The following EME2 variants were observed in gnomAD, a reference collection of about 807,000 sequenced individuals.
EME2 encodes the protein structure-specific endonuclease subunit EME2.
A neutral mutation model predicts 41.9 loss-of-function variants in EME2; 58 were observed. That is an observed-to-expected ratio of 1.38 (90% CI 1.12 to 1.72). The LOEUF (loss-of-function observed/expected upper bound fraction) is 1.72. EME2 is among the 40% of genes most tolerant of loss of function. The pLI, the probability that EME2 is intolerant of heterozygous loss-of-function variation, is 0.00. For synonymous variants in EME2, 334 were observed against 239.3 expected (o/e 1.40, Z -3.65); for missense variants, 695 against 541.9 (o/e 1.28, Z -2.81).
Position 1,775,575 on chromosome 16 carries a change from G to T in EME2, c.670G>T (p.Val224Leu). ...VSWPEVEEAL[V>L]LLQLWANLDV... ...CAGCTTGCCTCCTCCCCAGGCCCTG[G>T]TACTCCTGCAGCTCTGGGCAAACCT... The change falls in exon 6 of 8, where the codon GTA (valine) becomes TTA (leucine). Residue 224 changes from valine to leucine, a missense_variant. Physicochemically the swap from Val to Leu is conservative, Grantham distance 32. Coordinates refer to ENST00000568449, the MANE Select transcript of EME2 (RefSeq NM_001257370.2). 1.2e-6 allele frequency: 2 copies of T among 1,612,820 alleles called. No individual in the cohort carries two copies. The highest frequency in any genetic ancestry group is 1.7e-6 in the Non-Finnish European group (2 of 1,179,932).
Position 1,773,279 on chromosome 16 carries a change from C to T in EME2, c.52C>T (p.Arg18Trp). The T allele has an allele frequency of 3.4e-6, 5 of 1,470,176 alleles. No individual in the cohort carries two copies. The highest frequency in any genetic ancestry group is 3.6e-6 in the Non-Finnish European group (4 of 1,119,058). 91.1% of individuals were successfully genotyped at this position (1,470,176 alleles called of 1,614,324 possible). A position where few individuals can be genotyped will look rare whatever the true frequency, so the allele number is the denominator to read the frequency against. The change falls in exon 1 of 8, where the codon CGG becomes TGG. Residue 18 changes from arginine (R) to tryptophan (W), a missense_variant. Physicochemically the swap from Arg to Trp is moderately radical, Grantham distance 101 (BLOSUM62 -3). Transcript: ENST00000568449. ...GGGGGTCTCTTGCCAGGGCCGGGGC[C>T]GGGGACGGGGCGGGAGCGGTCAGCG... The part of the protein sequence containing the change: ...RAGVSCQGRG[R>W]GRGGSGQRRP...
chr16:1,777,057 G>A lies in EME2; in HGVS notation c.*819G>A, dbSNP rs563481366. ...GAGAAAGAAGGGACAGAGGAAAGGG[G>A]CTGTCCCAGCCCAAGAAGGCAGTTC... On this transcript the variant is annotated 3_prime_UTR_variant, in exon 8 of 8. Transcript: ENST00000568449. 8.2e-6 allele frequency: 13 copies of A among 1,588,158 alleles called. No homozygotes were observed. Among genetic ancestry groups the A allele is most frequent in the Middle Eastern group, 1.7e-4 (1 of 5,950 alleles).
At chr16:1,774,455 G>T (rs1178302802) in intron 3 of EME2, 103 bp downstream of exon 3, 3 of 924,512 alleles carry the variant, frequency 3.2e-6, no homozygotes, top group Non-Finnish European at 5.2e-6. Flanking sequence ...CGGGGCTGGA[G>T]GGGGCATGGG....
In EME2 at chr16:1,781,202, T is replaced by C. The variant is rs763420984; in HGVS notation, c.*4964T>C. 191 of 1,558,784 alleles carry C rather than the reference T, an allele frequency of 1.2e-4. No individual in the cohort carries two copies. Among genetic ancestry groups the C allele is most frequent in the Non-Finnish European group, 6.2e-5 (72 of 1,159,018 alleles). On this transcript the variant is annotated 3_prime_UTR_variant, in exon 8 of 8. Transcript: ENST00000568449. Reference sequence around the variant, plus strand: ...AATTAAAGAGTCTTACTGAATGCGGTGCATCCAGGAGACAGGCCCAGGTTT... The same window carrying C: ...AATTAAAGAGTCTTACTGAATGCGGCGCATCCAGGAGACAGGCCCAGGTTT...
chr16:1,778,780 A>G lies in EME2; in HGVS notation c.*2542A>G, dbSNP rs561488217. ...AGCGCACAGCCCAGGCTCCCTCCCAACGGGCTCCGGCTCTGCCCCATTCTG... is the reference window on the plus strand; with the variant it reads ...AGCGCACAGCCCAGGCTCCCTCCCAGCGGGCTCCGGCTCTGCCCCATTCTG... On this transcript the variant is annotated 3_prime_UTR_variant, in exon 8 of 8. Transcript: ENST00000568449. 81 of 663,430 alleles carry G rather than the reference A, an allele frequency of 1.2e-4. 1 individual carries two copies. In the South Asian group the frequency reaches 1.8e-3, roughly 15 times the overall value. The allele number at this position is 663,430 out of a possible 1,614,324, so 41.1% of individuals were successfully genotyped here. A position where few individuals can be genotyped will look rare whatever the true frequency, so the allele number is the denominator to read the frequency against.
In EME2 at chr16:1,778,715, G is replaced by A; in HGVS notation, c.*2477G>A. The stretch of plus-strand genomic sequence containing the variant: ...CCCTGTCCCTGACCCACCCAGGAAA[G>A]GATGGGGGTCCAGGCCTCCAGGGAC... On this transcript the variant is annotated 3_prime_UTR_variant, in exon 8 of 8. Transcript: ENST00000568449. 1 of 1,340,942 alleles carries A rather than the reference G, an allele frequency of 7.5e-7. No homozygotes were observed. The highest frequency in any genetic ancestry group is 9.9e-7 in the Non-Finnish European group (1 of 1,005,200). 83.1% of individuals were successfully genotyped at this position (1,340,942 alleles called of 1,614,324 possible).
chr16:1,773,468 G>A lies in EME2; in HGVS notation c.241G>A (p.Asp81Asn). ...QVLKRLAVCV[D>N]TAILEDAGAD... ...CCTGAAGCGCCTCGCGGTGTGCGTGGACACAGGTGCGGCGGAGGGCACGGG... is the reference window on the plus strand; with the variant it reads ...CCTGAAGCGCCTCGCGGTGTGCGTGAACACAGGTGCGGCGGAGGGCACGGG... The change falls in exon 1 of 8, where the codon GAC (aspartate) becomes AAC (asparagine). Residue 81 changes from aspartate (D) to asparagine (N), a missense_variant. Transcript: ENST00000568449. 6.3e-7 allele frequency: 1 copy of A among 1,579,566 alleles called. No individual in the cohort carries two copies.
rs1454986127 is a variant in EME2 at position 1,773,782 on chromosome 16, C to T, written c.325C>T (p.Gln109Ter). The T allele has an allele frequency of 6.4e-7, 1 of 1,552,692 alleles. No individual in the cohort carries two copies. Among genetic ancestry groups the T allele is most frequent in the Admixed American group, 1.9e-5 (1 of 51,934 alleles). ...ALGCECRIEP[Q>*]RPARSLRWTR... ...GGGCTGCGAGTGCCGCATCGAGCCC[C>T]AGCGCCCGGCCCGCAGCCTGCGGTG... is the stretch of plus-strand genomic sequence containing the variant. Residue 109 changes from glutamine (Q) to a stop codon, truncating the protein, a stop_gained, in exon 2 of 8, where the codon CAG becomes TAG. Transcript: ENST00000568449. LOFTEE classifies it high-confidence loss of function.
At position 1,777,353 on chromosome 16, in the gene EME2, C is replaced by T. The variant is rs1215290397; in HGVS notation, c.*1115C>T. On this transcript the variant is annotated 3_prime_UTR_variant, in exon 8 of 8. Transcript: ENST00000568449. ...GTACTGGAGGGAAGTGGCGCTGGCA[C>T]AGGAGCGGGTGACCTTCATGCTGCT... 1 of 1,606,834 alleles carries T rather than the reference C, an allele frequency of 6.2e-7. No homozygotes were observed. Among genetic ancestry groups the T allele is most frequent in the East Asian group, 2.2e-5 (1 of 44,806 alleles).
intron 3 of EME2, among the ~76,000 whole-genome samples, chr16:1,774,627 A>G (rs1276214254): frequency 6.6e-6 from 1 of 152,248 alleles, no homozygotes; most frequent in African/African-American, 2.4e-5. Flanking sequence ...GTCCTCTGAC[A>G]GCAGACAGCC....
chr16:1,772,953 G>A lies in EME2; in HGVS notation c.-275G>A, dbSNP rs1318584336. ...GAGGCGGCTCTCGCGGCGCACGTCGGCCCAGGCCCGGACCGGCAGCCGGCG... is the reference window on the plus strand; with the variant it reads ...GAGGCGGCTCTCGCGGCGCACGTCGACCCAGGCCCGGACCGGCAGCCGGCG... On this transcript the variant is annotated 5_prime_UTR_variant, in exon 1 of 8. Coordinates refer to ENST00000568449, the MANE Select transcript of EME2 (RefSeq NM_001257370.2). 1 of 1,453,092 alleles carries A rather than the reference G, an allele frequency of 6.9e-7. No individual in the cohort carries two copies. Among genetic ancestry groups the A allele is most frequent in the African/African-American group, 1.5e-5 (1 of 67,130 alleles). The allele number at this position is 1,453,092 out of a possible 1,614,324, so 90.0% of individuals were successfully genotyped here.
chr16:1,778,636 A>T lies in EME2; in HGVS notation c.*2398A>T. 2 of 1,528,106 alleles carry T rather than the reference A, an allele frequency of 1.3e-6. No individual in the cohort carries two copies. Among genetic ancestry groups the T allele is most frequent in the Non-Finnish European group, 8.8e-7 (1 of 1,138,276 alleles). 94.7% of individuals were successfully genotyped at this position (1,528,106 alleles called of 1,614,324 possible). On this transcript the variant is annotated 3_prime_UTR_variant, in exon 8 of 8. Coordinates refer to ENST00000568449, the MANE Select transcript of EME2 (RefSeq NM_001257370.2). ...TGCTGGGAGAGAAGGGCCGGCTGTT[A>T]CTACCTGTTGCCCGCTCTCTACCCT... is the stretch of plus-strand genomic sequence containing the variant.
At position 1,772,901 on chromosome 16, in the gene EME2, G is replaced by A. The variant is rs1269671362; in HGVS notation, c.-327G>A. On this transcript the variant is annotated 5_prime_UTR_variant, in exon 1 of 8. Transcript: ENST00000568449. ...GCGTGACCAGGCGGCCCAGGCCGAA[G>A]AGCGGGAGGCGGCCGAGCAGCTGCA... 4 of 1,451,476 alleles carry A rather than the reference G, an allele frequency of 2.8e-6. No homozygotes were observed. The highest frequency in any genetic ancestry group is 2.7e-5 in the East Asian group (1 of 37,710). The allele number at this position is 1,451,476 out of a possible 1,614,324, so 89.9% of individuals were successfully genotyped here. A position where few individuals can be genotyped will look rare whatever the true frequency, so the allele number is the denominator to read the frequency against.
At chr16:1,775,175 G>T in intron 4 of EME2, 43 bp downstream of exon 4, 1 of 1,601,334 alleles carries the variant, frequency 6.2e-7, no homozygotes. Context: ...GGCTGGGACG[G>T]GGGTTCAGGG....
chr16:1,773,712 G>A lies in EME2; in HGVS notation c.255G>A (p.Leu85=). The A allele has an allele frequency of 1.3e-6, 2 of 1,548,794 alleles. No individual in the cohort carries two copies. The highest frequency in any genetic ancestry group is 1.7e-6 in the Non-Finnish European group (2 of 1,147,120). Residue 85 remains leucine, a synonymous_variant, in exon 2 of 8, where the codon CTG becomes CTA. Coordinates refer to ENST00000568449, the MANE Select transcript of EME2 (RefSeq NM_001257370.2). ...CCTCTCCCCCGGTCCCAGCCATCCTGGAAGACGCCGGTGCCGACGTCCTGA... is the reference window on the plus strand; with the variant it reads ...CCTCTCCCCCGGTCCCAGCCATCCTAGAAGACGCCGGTGCCGACGTCCTGA... The part of the protein sequence containing the change: ...RLAVCVDTAI[L]EDAGADVLME...
chr16:1,773,735 TGATGGAG>T lies in EME2; in HGVS notation c.280_286del (p.Met94ProfsTer62). 6.5e-7 allele frequency: 1 copy of T among 1,548,982 alleles called. No homozygotes were observed. The highest frequency in any genetic ancestry group is 8.7e-7 in the Non-Finnish European group (1 of 1,147,362). On this transcript the variant is annotated frameshift_variant, in exon 2 of 8. Coordinates refer to ENST00000568449, the MANE Select transcript of EME2 (RefSeq NM_001257370.2). LOFTEE classifies it high-confidence loss of function. Reference sequence around the variant, plus strand: ...CTGGAAGACGCCGGTGCCGACGTCCTGATGGAGGCCCTGGAGGCCCTGGGCTGCGAGT... The same window carrying T: ...CTGGAAGACGCCGGTGCCGACGTCCTGCCCTGGAGGCCCTGGGCTGCGAGT...
Position 1,775,872 on chromosome 16 carries a change from C to A in EME2, c.855C>A (p.Asp285Glu), listed in dbSNP as rs377522534. Residue 285 changes from aspartate to glutamate, a missense_variant, in exon 7 of 8, where the codon GAC (aspartate) becomes GAA (glutamate). Coordinates refer to ENST00000568449, the MANE Select transcript of EME2 (RefSeq NM_001257370.2). ...CAGCCGGCGAGCCAGTGGCAAGAGA[C>A]GGCGCAGGGCTGCAGGCGGCCTGGC... is the stretch of plus-strand genomic sequence containing the variant. The part of the protein sequence containing the change: ...RWAAGEPVAR[D>E]GAGLQAAWRR... 6.2e-7 allele frequency: 1 copy of A among 1,612,592 alleles called. No individual in the cohort carries two copies. Among genetic ancestry groups the A allele is most frequent in the Middle Eastern group, 1.6e-4 (1 of 6,062 alleles).
chr16:1,773,553 G>C lies in EME2; in HGVS notation c.247+79G>C, dbSNP rs2042663426. The stretch of plus-strand genomic sequence containing the variant: ...GGCGGCGCCCTCTGTCCGACTGGGC[G>C]GGGCGCGCGTGCCGAGGGGCCTGGG... On this transcript the variant is annotated intron_variant, in intron 1 of 7. Transcript: ENST00000568449. 2.0e-6 allele frequency: 3 copies of C among 1,518,644 alleles called. No individual in the cohort carries two copies. In the South Asian group the frequency reaches 3.7e-5, roughly 19 times the overall value. The allele number at this position is 1,518,644 out of a possible 1,614,324, so 94.1% of individuals were successfully genotyped here.
Position 1,777,257 on chromosome 16 carries a change from G to A in EME2, c.*1019G>A, listed in dbSNP as rs148767831. On this transcript the variant is annotated 3_prime_UTR_variant, in exon 8 of 8. Transcript: ENST00000568449. ...GTTGTGTAGCACCTGCTTGAGGCCC[G>A]GCGGCAGCGGCAGACCCTCCAGCGT... The A allele has an allele frequency of 4.5e-5, 72 of 1,610,552 alleles. No homozygotes were observed. The African/African-American group carries it at 7.7e-4, about 17-fold the overall frequency.
Sources: allele counts gnomAD v4.1 joint callset (sites outside exome capture counted in the v4.1 genomes callset), GRCh38; gene constraint gnomAD v4.1.1; transcripts MANE v1.5; gene names NCBI Gene and HGNC (gene_info 2026-07-23, HGNC 2026-07-21).